The following ABCA13 variants were observed in gnomAD, a reference collection of about 807,000 sequenced individuals.
The protein encoded by ABCA13 is ATP-binding cassette sub-family A member 13.
ABCA13 carries 476 observed loss-of-function variants against 478.7 expected under a neutral mutation model. The ratio of observed to expected loss-of-function variants is 0.99; its 90% CI spans 0.92 to 1.07. The LOEUF (loss-of-function observed/expected upper bound fraction) is 1.07, where lower values mean the gene tolerates loss of function less well. Ranked by LOEUF, ABCA13 falls within the 50% of genes least tolerant of loss-of-function variation. ABCA13 has a pLI of 0.00. For missense variants in ABCA13, 6,060 were observed against 5,910.6 expected, an observed-to-expected ratio of 1.03 and a Z score of -0.83; for synonymous variants, 2,252 against 2,158.9, an observed-to-expected ratio of 1.04 and a Z score of -1.20.
intron 27 of ABCA13, among the ~76,000 whole-genome samples, chr7:48,328,167 A>G (rs1166656986): frequency 1.3e-5 from 2 of 152,330 alleles, no homozygotes; most frequent in East Asian, 3.9e-4. Context: ...ATAAACTTGT[A>G]CGGGCTGGAA....
chr7:48,420,195 G>C (rs1820560960), intron 41 of ABCA13, among the ~76,000 whole-genome samples: 1 of 152,166 alleles, frequency 6.6e-6, no homozygotes, highest in Non-Finnish European at 1.5e-5. Flanking sequence ...CAGCTAAAAA[G>C]CATATTTTAT....
In ABCA13 at chr7:48,232,145, T is replaced by TTTTTTTTTTTTTTG. The variant is rs1789224228; in HGVS notation, c.764-1860_764-1859insGTTTTTTTTTTTTT. On this transcript the variant is annotated intron_variant, in intron 7 of 61. Coordinates refer to ENST00000435803, the MANE Select transcript of ABCA13 (RefSeq NM_152701.5). ...ACAGTGAGACCCACATGGAATTTTT[T>TTTTTTTTTTTTTTG]TTTTTTTTTTTTTTTTTTTAGCTTT... Among the ~76,000 whole-genome samples, 2 of 104,610 alleles carry TTTTTTTTTTTTTTG rather than the reference T, an allele frequency of 1.9e-5. 1 individual carries two copies. The highest frequency in any genetic ancestry group is 6.6e-4 in the East Asian group (2 of 3,044). The allele number at this position is 104,610 out of a possible 152,430, so 68.6% of individuals were successfully genotyped here. A position where few individuals can be genotyped will look rare whatever the true frequency, so the allele number is the denominator to read the frequency against.
chr7:48,394,579 T>C lies in ABCA13; in HGVS notation c.11873+2440T>C, dbSNP rs189388640. 1.2e-4 allele frequency among the ~76,000 whole-genome samples: 18 copies of C among 152,346 alleles called. No individual in the cohort carries two copies. The East Asian group carries it at 3.5e-3, about 29-fold the overall frequency. ...CAGCCTCTGTGTATTAGTCTTCTGT[T>C]TCTTTCCACCAGATAGCAAACCCCT... On this transcript the variant is annotated intron_variant, in intron 38 of 61. Transcript: ENST00000435803.
At position 48,275,942 on chromosome 7, in the gene ABCA13, G is replaced by C. The variant is rs773369856; in HGVS notation, c.6276G>C (p.Met2092Ile). The C allele has an allele frequency of 7.4e-6, 12 of 1,613,652 alleles. No homozygotes were observed. The South Asian group carries it at 8.8e-5, about 12-fold the overall frequency. Residue 2092 changes from methionine to isoleucine, a missense_variant, in exon 17 of 62, where the codon ATG becomes ATC. Around this residue, in one of 3 missense-constraint regions of ABCA13, gnomAD observed 4,423 missense variants for 4,309.1 expected, o/e 1.03. Transcript: ENST00000435803. ...MNKGIKSINS[M>I]ALQKITLQFA... is the part of the protein sequence containing the mutation. ...AAGGAATCAAAAGTATAAATTCAATGGCTCTTCAAAAGATAACTTTGCAGT... is the reference window on the plus strand; with the variant it reads ...AAGGAATCAAAAGTATAAATTCAATCGCTCTTCAAAAGATAACTTTGCAGT...
At chr7:48,451,143 A>G (rs1198412246) in intron 42 of ABCA13, among the ~76,000 whole-genome samples, 2 of 151,730 alleles carry the variant, frequency 1.3e-5, no homozygotes, top group Non-Finnish European at 2.9e-5. Context: ...GATTACAGGC[A>G]TACACCACCA....
chr7:48,252,939 G>A (rs952810595), intron 15 of ABCA13, among the ~76,000 whole-genome samples: 32 of 152,070 alleles, frequency 2.1e-4, no homozygotes, highest in Non-Finnish European at 5.9e-5. Context: ...AGCTTTTGTA[G>A]CATGGCTTTG....
intron 58 of ABCA13, among the ~76,000 whole-genome samples, chr7:48,608,267 C>A (rs1435332476): frequency 6.6e-6 from 1 of 152,236 alleles, no homozygotes; most frequent in Non-Finnish European, 1.5e-5. Context: ...AAGTTGTGCT[C>A]AACCACCTGA....
intron 10 of ABCA13, 60 bp from the exon 11 acceptor site, chr7:48,244,516 C>T (rs777862907): frequency 3.5e-5 from 55 of 1,549,890 alleles, no homozygotes; most frequent in Non-Finnish European, 4.7e-5. Flanking sequence ...ATTTTTATTT[C>T]CCTAATTGGC....
chr7:48,198,124 G>C (rs28637820), intron 2 of ABCA13, 113 bp from the exon 3 acceptor site: 174,618 of 1,103,838 alleles, frequency 0.16, 15,606 homozygotes, highest in East Asian at 0.36. Context: ...TAAATTAATA[G>C]CAAGGTTAAT....
chr7:48,476,336 G>A (rs1828083985), intron 45 of ABCA13, among the ~76,000 whole-genome samples: 2 of 152,168 alleles, frequency 1.3e-5, no homozygotes, highest in South Asian at 2.1e-4. Flanking sequence ...ACCAGCAAAA[G>A]GGCCTGGCTG....
At chr7:48,253,339 C>T (rs1182190278) in intron 15 of ABCA13, among the ~76,000 whole-genome samples, 1 of 152,152 alleles carries the variant, frequency 6.6e-6, no homozygotes, top group Non-Finnish European at 1.5e-5. Flanking sequence ...CCAAATATTG[C>T]CAGCAAGTTC....
rs117711958 is a variant in ABCA13 at position 48,272,206 on chromosome 7, G to T, written c.2540G>T (p.Arg847Ile). The T allele has an allele frequency of 6.8e-4, 1,096 of 1,611,406 alleles. 18 individuals are homozygous for T. The East Asian group carries it at 0.019, about 28-fold the overall frequency. ...GCCTATGGCATTTCAAAAGGAAAAAGAGCTAAATTGGAAAACTTCTTTACA... is the reference window on the plus strand; with the variant it reads ...GCCTATGGCATTTCAAAAGGAAAAATAGCTAAATTGGAAAACTTCTTTACA... ...LWAYGISKGK[R>I]AKLENFFTLL... is the part of the protein sequence containing the mutation. The change falls in exon 17 of 62, where the codon AGA becomes ATA. Residue 847 changes from arginine to isoleucine, a missense_variant. This residue lies in a region of ABCA13 where 4,423 missense variants were observed against 4,309.1 expected (regional missense o/e 1.03). Transcript: ENST00000435803.
At chr7:48,325,368 G>A (rs568143474) in intron 27 of ABCA13, among the ~76,000 whole-genome samples, 531 of 152,196 alleles carry the variant, frequency 3.5e-3, no homozygotes, top group Non-Finnish European at 3.9e-3. Flanking sequence ...CAAAGCATTG[G>A]CATCCCTGCC....
intron 27 of ABCA13, among the ~76,000 whole-genome samples, chr7:48,333,131 A>G (rs1805666364): frequency 6.6e-6 from 1 of 152,080 alleles, no homozygotes; most frequent in African/African-American, 2.4e-5. Flanking sequence ...TCACTTTCCT[A>G]TCAATCTCCT....
At chr7:48,426,966 G>A (rs1043723268) in intron 41 of ABCA13, among the ~76,000 whole-genome samples, 3 of 152,196 alleles carry the variant, frequency 2.0e-5, no homozygotes, top group African/African-American at 7.2e-5. Flanking sequence ...CTTGCCAAGA[G>A]TGGAACTCCA....
At chr7:48,223,951 T>A (rs1787752778) in intron 5 of ABCA13, among the ~76,000 whole-genome samples, 1 of 125,618 alleles carries the variant, frequency 8.0e-6, no homozygotes. Context: ...AGAGCAAGAC[T>A]CGGTCTCAAA....
At chr7:48,310,165 G>A in intron 24 of ABCA13, 24 bp downstream of exon 24, 1 of 1,585,874 alleles carries the variant, frequency 6.3e-7, no homozygotes, top group Non-Finnish European at 8.6e-7. Context: ...GCTGGCTGGG[G>A]GCAGTCCTCT....
At chr7:48,245,398 T>C in intron 11 of ABCA13, 114 bp from the exon 12 acceptor site, 1 of 742,892 alleles carries the variant, frequency 1.3e-6, no homozygotes, top group South Asian at 2.5e-5. Context: ...TAATAATAGG[T>C]CAAGTTTTTA....
At chr7:48,526,770 A>G (rs1832916104) in intron 54 of ABCA13, among the ~76,000 whole-genome samples, 1 of 152,206 alleles carries the variant, frequency 6.6e-6, no homozygotes. Context: ...TGACCATTGT[A>G]TATGCAGTTC....
Sources: gnomAD v4.1 joint callset for allele counts (sites outside exome capture counted in the v4.1 genomes callset) on GRCh38, gnomAD v4.1.1 for gene constraint, gnomAD v4.1.1 regional missense constraint, MANE v1.5 for transcripts, NCBI Gene and HGNC (gene_info 2026-07-23, HGNC 2026-07-21) for gene names.